Variants in PLAC1 observed in about 807,000 individuals in gnomAD.
PLAC1 encodes the protein placenta associated 1.
For synonymous variants in PLAC1, 68 were observed against 62.1 expected, an observed-to-expected ratio of 1.09 and a Z score of -0.44; for missense variants, 136 against 163.2, an observed-to-expected ratio of 0.83 and a Z score of 0.91.
At chrX:134,729,427 A>G (rs994013283) in intron 2 of PLAC1, among the ~76,000 whole-genome samples, 1 of 112,104 alleles carries the variant, frequency 8.9e-6, no homozygotes, top group African/African-American at 3.2e-5. Context: ...CCACGCATTG[A>G]GTAACTTATG....
At position 134,672,198 on chromosome X, in the gene PLAC1, T is replaced by C. The variant is rs768784015; in HGVS notation, n.174+61237A>G. ...GGTGACGACCCTACTATTGGAATAG[T>C]CCAAGGAGAGGAAGTATAGCTATTT... On this transcript the variant is annotated intron_variant and non_coding_transcript_variant, in intron 2 of 2. Coordinates refer to the PLAC1 transcript ENST00000466797. Among the ~76,000 whole-genome samples the C allele has an allele frequency of 4.3e-4, 48 of 112,221 alleles. No homozygotes were observed. The South Asian group carries it at 8.2e-3, about 19-fold the overall frequency.
intron 1 of PLAC1, among the ~76,000 whole-genome samples, chrX:134,645,213 G>A (rs1461625858): frequency 8.9e-6 from 1 of 112,073 alleles, no homozygotes; most frequent in Non-Finnish European, 1.9e-5. Flanking sequence ...CTCCCCCTGA[G>A]TGTCTCCAAA....
intron 2 of PLAC1, among the ~76,000 whole-genome samples, chrX:134,579,127 A>T (rs756827987): frequency 2.1e-4 from 23 of 110,515 alleles, no homozygotes; most frequent in Middle Eastern, 4.6e-3. Context: ...TTTAATTTGG[A>T]TATCTTTTGT....
At chrX:134,705,543 A>G (rs1006856009) in intron 2 of PLAC1, among the ~76,000 whole-genome samples, 2 of 111,633 alleles carry the variant, frequency 1.8e-5, no homozygotes, top group African/African-American at 6.5e-5. Flanking sequence ...AGAAACAATA[A>G]ATTAGAATAT....
At chrX:134,648,113 T>A (rs1373280865) in intron 1 of PLAC1, among the ~76,000 whole-genome samples, 2 of 111,429 alleles carry the variant, frequency 1.8e-5, no homozygotes, top group Non-Finnish European at 3.8e-5. Context: ...TCCTTTTATT[T>A]GAAAGACCTT....
intron 1 of PLAC1, among the ~76,000 whole-genome samples, chrX:134,635,672 A>G (rs2078280046): frequency 9.0e-6 from 1 of 111,473 alleles, no homozygotes; most frequent in African/African-American, 3.3e-5. Context: ...TTATCCGTGG[A>G]AGCTTTTCTG....
intron 1 of PLAC1, among the ~76,000 whole-genome samples, chrX:134,646,479 A>ATC (rs2078334193): frequency 8.9e-6 from 1 of 112,070 alleles, no homozygotes; most frequent in African/African-American, 3.2e-5. Context: ...TAGATTTCGA[A>ATC]TCTCTCTCCA....
chrX:134,574,088 TCTCA>T lies in PLAC1; in HGVS notation c.-58-7352_-58-7349del, dbSNP rs1266112135. Among the ~76,000 whole-genome samples the T allele has an allele frequency of 4.9e-5, 5 of 103,027 alleles. No homozygotes were observed. In the East Asian group the frequency reaches 8.8e-4, roughly 18 times the overall value. The allele number at this position is 103,027 out of a possible 115,157, so 89.5% of individuals were successfully genotyped here. A position where few individuals can be genotyped will look rare whatever the true frequency, so the allele number is the denominator to read the frequency against. On this transcript the variant is annotated intron_variant, in intron 2 of 2. Transcript: ENST00000359237. ...CTCTCTCTGTCTCTCTCTCTCTCTC[TCTCA>T]CACACACACACACACACACACACAG...
At chrX:134,620,721 C>T (rs2078206569) in intron 1 of PLAC1, among the ~76,000 whole-genome samples, 1 of 111,961 alleles carries the variant, frequency 8.9e-6, no homozygotes, top group South Asian at 3.7e-4. Flanking sequence ...AGTGAGTATA[C>T]AGATAATGTA....
intron 2 of PLAC1, among the ~76,000 whole-genome samples, chrX:134,595,144 T>C (rs1421903425): frequency 1.8e-5 from 2 of 111,180 alleles, no homozygotes; most frequent in African/African-American, 6.5e-5. Flanking sequence ...GAATGTTGTT[T>C]ATTTTCCAAG....
At chrX:134,690,940 T>A (rs1264610061) in intron 2 of PLAC1, among the ~76,000 whole-genome samples, 2 of 23,576 alleles carry the variant, frequency 8.5e-5, no homozygotes, top group East Asian at 6.3e-3. Context: ...AGATTCCGTC[T>A]CAAAAAAAAA....
At chrX:134,736,487 A>C (rs2078703582) in intron 1 of PLAC1, among the ~76,000 whole-genome samples, 1 of 109,336 alleles carries the variant, frequency 9.1e-6, no homozygotes, top group Non-Finnish European at 1.9e-5. Context: ...CACCGCCCCG[A>C]CTCCTGCTTC....
intron 2 of PLAC1, among the ~76,000 whole-genome samples, chrX:134,690,159 TTC>T (rs2078531385): frequency 8.9e-6 from 1 of 112,429 alleles, no homozygotes; most frequent in Non-Finnish European, 1.9e-5. Flanking sequence ...GTCCTCAAGG[TTC>T]ATCCATGTTG....
At chrX:134,705,276 G>A (rs1354142738) in intron 2 of PLAC1, among the ~76,000 whole-genome samples, 1 of 105,316 alleles carries the variant, frequency 9.5e-6, no homozygotes, top group African/African-American at 3.5e-5. Flanking sequence ...AAAGTTAGTC[G>A]GGTGTGGTGG....
chrX:134,741,803 C>T, intron 1 of PLAC1, among the ~76,000 whole-genome samples: 1 of 110,394 alleles, frequency 9.1e-6, no homozygotes, highest in Non-Finnish European at 1.9e-5. Context: ...CCAAACCGAG[C>T]ATGTTTCCCA....
At chrX:134,583,732 C>G (rs1234613168) in intron 2 of PLAC1, among the ~76,000 whole-genome samples, 2 of 110,761 alleles carry the variant, frequency 1.8e-5, no homozygotes, top group African/African-American at 6.6e-5. Flanking sequence ...CCCCCACCTC[C>G]CTCCACCCCC....
chrX:134,756,128 G>A (rs971035630), intron 1 of PLAC1, among the ~76,000 whole-genome samples: 1 of 110,172 alleles, frequency 9.1e-6, no homozygotes, highest in African/African-American at 3.3e-5. Context: ...TGGGATTACA[G>A]GCATGAGCCA....
At chrX:134,669,803 C>T (rs1388903047) in intron 2 of PLAC1, among the ~76,000 whole-genome samples, 2 of 112,123 alleles carry the variant, frequency 1.8e-5, no homozygotes, top group African/African-American at 3.2e-5. Context: ...GTGGGCTTGG[C>T]GGTGGAGGGG....
intron 2 of PLAC1, among the ~76,000 whole-genome samples, chrX:134,712,415 T>C (rs2078630809): frequency 9.0e-6 from 1 of 111,237 alleles, no homozygotes; most frequent in Non-Finnish European, 1.9e-5. Context: ...AAACCTAACC[T>C]GGAAGCTACC....
Sources: gnomAD v4.1 joint callset for allele counts (sites outside exome capture counted in the v4.1 genomes callset) on GRCh38, gnomAD v4.1.1 for gene constraint, MANE v1.5 for transcripts, NCBI Gene and HGNC (gene_info 2026-07-23, HGNC 2026-07-21) for gene names.